Variants in BCO1 observed in about 807,000 individuals in gnomAD.
BCO1 encodes beta,beta-carotene 15,15'-dioxygenase.
A neutral mutation model predicts 56.3 loss-of-function variants in BCO1; 54 were observed. The observed-to-expected ratio is 0.96, with a 90% confidence interval of 0.77 to 1.20. The LOEUF (loss-of-function observed/expected upper bound fraction) is 1.20, where lower values mean the gene tolerates loss of function less well. Among genes scored for constraint, BCO1 ranks in the 50% most tolerant of loss-of-function variants. BCO1 has a pLI of 0.00. For synonymous variants in BCO1, 318 were observed against 266.1 expected (o/e 1.20, Z -1.90); for missense variants, 801 against 690.9 (o/e 1.16, Z -1.79).
At chr16:81,254,258 A>G (rs906475010) in intron 2 of BCO1, among the ~76,000 whole-genome samples, 1 of 146,384 alleles carries the variant, frequency 6.8e-6, no homozygotes, top group Admixed American at 6.8e-5. Context: ...CCTCCTGAGT[A>G]GCTGGGACTA....
chr16:81,241,803 A>G (rs1905131049), intron 1 of BCO1, among the ~76,000 whole-genome samples: 1 of 152,188 alleles, frequency 6.6e-6, no homozygotes, highest in Admixed American at 6.5e-5. Context: ...GCAAACAGCT[A>G]ACTAAAAACT....
At chr16:81,249,336 A>G (rs11639800) in intron 2 of BCO1, among the ~76,000 whole-genome samples, 64,442 of 151,538 alleles carry the variant, frequency 0.43, 14,165 homozygotes, top group African/African-American at 0.52. Flanking sequence ...GGCTCATTGC[A>G]AACTCCACCT....
chr16:81,244,115 G>A (rs550329814), intron 1 of BCO1, among the ~76,000 whole-genome samples: 3 of 152,316 alleles, frequency 2.0e-5, no homozygotes, highest in South Asian at 2.1e-4. Context: ...TGCCCCACCC[G>A]CAGTCAGAAC....
chr16:81,289,958 G>C (rs181796552), intron 10 of BCO1, among the ~76,000 whole-genome samples: 3 of 152,206 alleles, frequency 2.0e-5, no homozygotes, highest in Non-Finnish European at 4.4e-5. Flanking sequence ...TCCACTCCCA[G>C]GTTCAAGTAA....
intron 2 of BCO1, among the ~76,000 whole-genome samples, chr16:81,247,444 C>T (rs185321650): frequency 2.4e-4 from 37 of 152,300 alleles, no homozygotes; most frequent in Admixed American, 6.5e-4. Context: ...AGGAGTGTTG[C>T]TTGATCCCAG....
At chr16:81,288,765 T>C (rs560910383) in intron 10 of BCO1, among the ~76,000 whole-genome samples, 3 of 152,292 alleles carry the variant, frequency 2.0e-5, no homozygotes, top group African/African-American at 7.2e-5. Flanking sequence ...ACTAGAACCA[T>C]AGGTGGGGAT....
At chr16:81,275,450 C>T (rs569120537) in intron 7 of BCO1, among the ~76,000 whole-genome samples, 5 of 152,344 alleles carry the variant, frequency 3.3e-5, no homozygotes, top group East Asian at 1.9e-4. Flanking sequence ...AGCATGACCC[C>T]GCAGCTGAGT....
rs557108063 is a variant in BCO1 at position 81,267,650 on chromosome 16, A to G, written c.620-258A>G. Among the ~76,000 whole-genome samples the G allele has an allele frequency of 1.2e-4, 18 of 152,118 alleles. 1 individual carries two copies. The highest frequency in any genetic ancestry group is 4.2e-4 in the South Asian group (2 of 4,804). On this transcript the variant is annotated intron_variant, in intron 5 of 10. Transcript: ENST00000258168. ...GGAGGCAGGATTTAGCCCCCAGGCT[A>G]TAGGTGAAGACCCCTTACCTGGAGG...
Position 81,290,617 on chromosome 16 carries a change from C to G in BCO1, c.*40C>G, listed in dbSNP as rs373340453. ...GGGTAGGGGAGGGGAGCTCGGCTGT[C>G]AGAACTCCATGGATATGTTTCTTTG... On this transcript the variant is annotated 3_prime_UTR_variant, in exon 11 of 11. Coordinates refer to ENST00000258168, the MANE Select transcript of BCO1 (RefSeq NM_017429.3). 14 of 1,501,320 alleles carry G rather than the reference C, an allele frequency of 9.3e-6. No individual in the cohort carries two copies. In the African/African-American group the frequency reaches 1.8e-4, roughly 19 times the overall value. The allele number at this position is 1,501,320 out of a possible 1,614,324, so 93.0% of individuals were successfully genotyped here.
chr16:81,272,485 T>A (rs140980728), intron 7 of BCO1, among the ~76,000 whole-genome samples: 1 of 152,352 alleles, frequency 6.6e-6, no homozygotes, highest in Non-Finnish European at 1.5e-5. Context: ...CTTTGAAACA[T>A]CACTTTAAAC....
At chr16:81,284,080 C>T (rs543159505) in intron 8 of BCO1, among the ~76,000 whole-genome samples, 1 of 151,236 alleles carries the variant, frequency 6.6e-6, no homozygotes, top group African/African-American at 2.4e-5. Flanking sequence ...GTAGTCCTAG[C>T]TACTTGGGAG....
At chr16:81,269,190 C>T (rs754233695) in intron 6 of BCO1, among the ~76,000 whole-genome samples, 30 of 149,870 alleles carry the variant, frequency 2.0e-4, no homozygotes, top group Admixed American at 2.0e-4. Flanking sequence ...CTCCCCAACT[C>T]ACTTCCCCCC....
Position 81,251,874 on chromosome 16 carries a change from A to ATGTGTGTGTGTGTGTGTG in BCO1, c.193+6288_193+6289insGTGTGTGTGTGTGTGTGT, listed in dbSNP as rs56069135. Among the ~76,000 whole-genome samples, 826 of 146,698 alleles carry ATGTGTGTGTGTGTGTGTG rather than the reference A, an allele frequency of 5.6e-3. 10 individuals carry two copies. Among genetic ancestry groups the ATGTGTGTGTGTGTGTGTG allele is most frequent in the African/African-American group, 0.02 (780 of 38,854 alleles). ...CACGCACACACACACACACACATAT[A>ATGTGTGTGTGTGTGTGTG]TGTGTGTGTGTGTGTGTATATATAT... On this transcript the variant is annotated intron_variant, in intron 2 of 10. Transcript: ENST00000258168.
At chr16:81,244,717 C>CTTTTTTTTTTTTTTT (rs55904406) in intron 1 of BCO1, among the ~76,000 whole-genome samples, 2 of 129,220 alleles carry the variant, frequency 1.5e-5, no homozygotes, top group Non-Finnish European at 1.6e-5. Flanking sequence ...TTGCCCCTAT[C>CTTTTTTTTTTTTTTT]TTTTTTTTTT....
chr16:81,251,846 A>C (rs988579705), intron 2 of BCO1, among the ~76,000 whole-genome samples: 4 of 144,686 alleles, frequency 2.8e-5, no homozygotes, highest in African/African-American at 1.1e-4. Flanking sequence ...ACACACACAC[A>C]CACACGCACA....
At chr16:81,247,384 C>T (rs972914332) in intron 2 of BCO1, among the ~76,000 whole-genome samples, 9 of 152,048 alleles carry the variant, frequency 5.9e-5, no homozygotes, top group African/African-American at 2.2e-4. Context: ...CACCATTGAC[C>T]AGGCACAGTG....
At chr16:81,277,346 C>T (rs1449282805) in intron 7 of BCO1, among the ~76,000 whole-genome samples, 2 of 152,146 alleles carry the variant, frequency 1.3e-5, no homozygotes, top group African/African-American at 2.4e-5. Flanking sequence ...TGATCCCCCA[C>T]GTCTACAGAT....
At position 81,290,385 on chromosome 16, in the gene BCO1, A is replaced by G. The variant is rs1908395888; in HGVS notation, c.1452A>G (p.Gln484=). The change falls in exon 11 of 11, where the codon CAA becomes CAG. Residue 484 remains glutamine (Q), a synonymous_variant. Coordinates refer to ENST00000258168, the MANE Select transcript of BCO1 (RefSeq NM_017429.3). ...ILSAIVSTDP[Q]KLPFLLILDA... ...CAGCCATTGTCTCTACTGATCCCCA[A>G]AAGCTGCCTTTTCTGCTCATTCTGG... The G allele has an allele frequency of 6.2e-7, 1 of 1,614,204 alleles. No homozygotes were observed. The highest frequency in any genetic ancestry group is 8.5e-7 in the Non-Finnish European group (1 of 1,180,038).
At chr16:81,241,221 G>A (rs1297355239) in intron 1 of BCO1, among the ~76,000 whole-genome samples, 1 of 151,934 alleles carries the variant, frequency 6.6e-6, no homozygotes, top group African/African-American at 2.4e-5. Context: ...GACTGGGCAT[G>A]AGAATCACTT....
Sources: allele counts gnomAD v4.1 joint callset (sites outside exome capture counted in the v4.1 genomes callset), GRCh38; gene constraint gnomAD v4.1.1; transcripts MANE v1.5; gene names NCBI Gene and HGNC (gene_info 2026-07-23, HGNC 2026-07-21).